Variants in PPP1R16A observed in about 807,000 individuals in gnomAD.
PPP1R16A encodes the protein myosin phosphatase-targeting subunit 3.
A neutral mutation model predicts 46.6 loss-of-function variants in PPP1R16A; 39 were observed. The ratio of observed to expected loss-of-function variants is 0.84; its 90% CI spans 0.65 to 1.09. PPP1R16A has a LOEUF of 1.09. PPP1R16A is among the 50% of genes least tolerant of loss of function. The probability of loss-of-function intolerance (pLI) is 0.00; values close to 1 mark genes in which losing one functional copy is unlikely to be tolerated. For missense variants in PPP1R16A, 798 were observed against 735.6 expected (o/e 1.08, Z -0.98); for synonymous variants, 413 against 321.5 (o/e 1.28, Z -3.04).
intron 3 of PPP1R16A, chr8:144,498,418 C>T: frequency 2.9e-6 from 1 of 344,462 alleles, no homozygotes; most frequent in Non-Finnish European, 5.6e-6. Context: ...CAGGGAAGAG[C>T]CGAAGGAGCT....
At position 144,499,926 on chromosome 8, in the gene PPP1R16A, T is replaced by G. The variant is rs1826325501; in HGVS notation, c.477-170T>G. 1.4e-5 allele frequency: 9 copies of G among 645,396 alleles called. No homozygotes were observed. The South Asian group carries it at 1.7e-4, about 12-fold the overall frequency. The allele number at this position is 645,396 out of a possible 1,614,324, so 40.0% of individuals were successfully genotyped here. A position where few individuals can be genotyped will look rare whatever the true frequency, so the allele number is the denominator to read the frequency against. On this transcript the variant is annotated intron_variant, in intron 5 of 11. Coordinates refer to ENST00000435887, the MANE Select transcript of PPP1R16A (RefSeq NM_001329443.2). ...AGGCCTGTCTGGCTTAATGACAGGA[T>G]CTAGGACAGCCGATGGGCCCCAAGG...
In PPP1R16A at chr8:144,493,892, G is replaced by C. The variant is rs978084650; in HGVS notation, c.-734-2569G>C. Among the ~76,000 whole-genome samples, 1 of 152,032 alleles carries C rather than the reference G, an allele frequency of 6.6e-6. No homozygotes were observed. Among genetic ancestry groups the C allele is most frequent in the East Asian group, 1.9e-4 (1 of 5,168 alleles). ...CCCTGTGAGCCGTGCTGGGTGGGGT[G>C]GGGGAGGTAGAGCCTCCCCGCCCGT... On this transcript the variant is annotated intron_variant, in intron 2 of 11. Coordinates refer to ENST00000435887, the MANE Select transcript of PPP1R16A (RefSeq NM_001329443.2). This position sits in a 1 kb window ranked among gnomAD's most constrained non-coding sequence, Gnocchi z 4.3.
intron 1 of PPP1R16A, among the ~76,000 whole-genome samples, chr8:144,486,542 GCCGT>G (rs1404202072): frequency 2.0e-5 from 3 of 152,174 alleles, no homozygotes; most frequent in Admixed American, 2.0e-4. Flanking sequence ...TCACATCCTT[GCCGT>G]TTGGATTCGT....
chr8:144,493,161 G>A lies in PPP1R16A; in HGVS notation c.-735+2949G>A, dbSNP rs893926682. 1.6e-4 allele frequency among the ~76,000 whole-genome samples: 25 copies of A among 152,252 alleles called. No homozygotes were observed. The highest frequency in any genetic ancestry group is 4.8e-4 in the African/African-American group (20 of 41,558). On this transcript the variant is annotated intron_variant, in intron 2 of 11. Coordinates refer to ENST00000435887, the MANE Select transcript of PPP1R16A (RefSeq NM_001329443.2). The surrounding 1 kb of genome is among the most constrained non-coding windows in gnomAD (Gnocchi z 4.3). ...AGCGGTATGTAGGCAGTGAGGGGAC[G>A]GTGGGTGGGGGTCGGGGACAGTGCC...
At chr8:144,499,189 C>A in intron 5 of PPP1R16A, 128 bp downstream of exon 5, 2 of 1,225,376 alleles carry the variant, frequency 1.6e-6, no homozygotes, top group Non-Finnish European at 2.2e-6. Context: ...GCTGACCCTG[C>A]CTGTGTCCTG....
At chr8:144,486,006 TTGAC>T (rs1175007159) in intron 1 of PPP1R16A, among the ~76,000 whole-genome samples, 2 of 152,202 alleles carry the variant, frequency 1.3e-5, no homozygotes, top group East Asian at 1.9e-4. Flanking sequence ...GTGTGTTCCT[TTGAC>T]TGGAGGAAAC....
chr8:144,481,049 C>T (rs533334901), intron 1 of PPP1R16A, among the ~76,000 whole-genome samples: 33 of 151,726 alleles, frequency 2.2e-4, no homozygotes, highest in East Asian at 4.0e-4. Flanking sequence ...CCACCACGCC[C>T]GGCTAATTTT....
rs1370838206 is a variant in PPP1R16A at position 144,483,474 on chromosome 8, A to G, written c.-914+5347A>G. On this transcript the variant is annotated intron_variant, in intron 1 of 11. Coordinates refer to ENST00000435887, the MANE Select transcript of PPP1R16A (RefSeq NM_001329443.2). ...GCCCAGGCTGGAGTGCAGTGGCACC[A>G]TCTTGGCTCACTGCAACCTCTGCCT... Among the ~76,000 whole-genome samples, 10 of 152,136 alleles carry G rather than the reference A, an allele frequency of 6.6e-5. No homozygotes were observed. The South Asian group carries it at 1.9e-3, about 28-fold the overall frequency.
chr8:144,497,428 C>T lies in PPP1R16A; in HGVS notation c.234C>T (p.Ala78=), dbSNP rs752797970. The T allele has an allele frequency of 7.4e-5, 120 of 1,612,868 alleles. No homozygotes were observed. Among genetic ancestry groups the T allele is most frequent in the Admixed American group, 1.7e-4 (10 of 60,008 alleles). ...CTCCCAGTGTTGTCCTTCTGGAGGC[C>T]GCTGCCCGAAATGACCTGGAAGAAG... ...LFPPSVVLLE[A]AARNDLEEVR... Residue 78 remains alanine (A), a synonymous_variant, in exon 3 of 12, where the codon GCC becomes GCT. Coordinates refer to ENST00000435887, the MANE Select transcript of PPP1R16A (RefSeq NM_001329443.2).
chr8:144,501,424 T>G, intron 11 of PPP1R16A, 96 bp from the exon 12 acceptor site: 2 of 1,477,910 alleles, frequency 1.4e-6, no homozygotes, highest in Non-Finnish European at 1.8e-6. Flanking sequence ...TTGCCCCATC[T>G]CTCCTGTCTG....
At chr8:144,480,585 C>T (rs1825371151) in intron 1 of PPP1R16A, among the ~76,000 whole-genome samples, 1 of 151,936 alleles carries the variant, frequency 6.6e-6, no homozygotes, top group Admixed American at 6.6e-5. Flanking sequence ...CTCTCGAATT[C>T]AAGTGATTCT....
chr8:144,497,098 C>G lies in PPP1R16A; in HGVS notation c.-97C>G, dbSNP rs1253811433. On this transcript the variant is annotated 5_prime_UTR_variant, in exon 3 of 12. Coordinates refer to ENST00000435887, the MANE Select transcript of PPP1R16A (RefSeq NM_001329443.2). Reference sequence around the variant, plus strand: ...TGGGAAGGGGATGCCCCCGAGGGTGCCAGTCCAGCTAGCTGCCCCACCCCT... The same window carrying G: ...TGGGAAGGGGATGCCCCCGAGGGTGGCAGTCCAGCTAGCTGCCCCACCCCT... 16 of 1,481,636 alleles carry G rather than the reference C, an allele frequency of 1.1e-5. No individual in the cohort carries two copies. The East Asian group carries it at 4.0e-4, about 37-fold the overall frequency. The allele number at this position is 1,481,636 out of a possible 1,614,324, so 91.8% of individuals were successfully genotyped here. A position where few individuals can be genotyped will look rare whatever the true frequency, so the allele number is the denominator to read the frequency against.
rs184094961 is a variant in PPP1R16A at position 144,493,362 on chromosome 8, C to T, written c.-734-3099C>T. On this transcript the variant is annotated intron_variant, in intron 2 of 11. Coordinates refer to ENST00000435887, the MANE Select transcript of PPP1R16A (RefSeq NM_001329443.2). The surrounding 1 kb of genome is among the most constrained non-coding windows in gnomAD (Gnocchi z 4.3). ...GGAAGGTTTGTGGAGTAGAGGGAGCCGCCCTGCCCAGCCCCCTCAGCCTGG... is the reference window on the plus strand; with the variant it reads ...GGAAGGTTTGTGGAGTAGAGGGAGCTGCCCTGCCCAGCCCCCTCAGCCTGG... Among the ~76,000 whole-genome samples, 169 of 152,262 alleles carry T rather than the reference C, an allele frequency of 1.1e-3. No individual in the cohort carries two copies. Among genetic ancestry groups the T allele is most frequent in the African/African-American group, 3.7e-3 (152 of 41,556 alleles).
Position 144,497,073 on chromosome 8 carries a change from T to A in PPP1R16A, c.-122T>A. On this transcript the variant is annotated 5_prime_UTR_variant, in exon 3 of 12. Coordinates refer to ENST00000435887, the MANE Select transcript of PPP1R16A (RefSeq NM_001329443.2). ...TGACCCAGCCAAGGGCACGAAGCTC[T>A]GGGAAGGGGATGCCCCCGAGGGTGC... 1 of 1,347,568 alleles carries A rather than the reference T, an allele frequency of 7.4e-7. No homozygotes were observed. 83.5% of individuals were successfully genotyped at this position (1,347,568 alleles called of 1,614,324 possible).
Position 144,500,471 on chromosome 8 carries a change from G to C in PPP1R16A, c.706-16G>C, listed in dbSNP as rs766945069. ...TGGGGGATGGGGCCGAATTCAGGCC[G>C]GGCGCTTGCCTGCAGCTGCACGTCG... is the stretch of plus-strand genomic sequence containing the variant. On this transcript the variant is annotated splice_polypyrimidine_tract_variant and intron_variant, in intron 7 of 11. Transcript: ENST00000435887. The C allele has an allele frequency of 2.6e-6, 4 of 1,565,494 alleles. No homozygotes were observed. The highest frequency in any genetic ancestry group is 3.6e-5 in the Admixed American group (2 of 54,908).
intron 1 of PPP1R16A, chr8:144,478,940 G>A (rs1157823470): frequency 3.3e-5 from 5 of 152,302 alleles, no homozygotes; most frequent in African/African-American, 1.2e-4. Flanking sequence ...ACAGAGCAAA[G>A]TTAGCCTTCC....
chr8:144,501,194 A>C lies in PPP1R16A; in HGVS notation c.1103A>C (p.Glu368Ala). The change falls in exon 11 of 12, where the codon GAG becomes GCG. Residue 368 changes from glutamate (E) to alanine (A), a missense_variant. Coordinates refer to ENST00000435887, the MANE Select transcript of PPP1R16A (RefSeq NM_001329443.2). Reference protein sequence around the residue: ...TDLYRKQHAQEAIVWQQPPPT... With the variant: ...TDLYRKQHAQAAIVWQQPPPT... ...CTGTACCGCAAGCAGCACGCCCAGG[A>C]GGCCATCGTGTGGCAACAGCCGCCG... 1 of 1,609,938 alleles carries C rather than the reference A, an allele frequency of 6.2e-7. No individual in the cohort carries two copies. The highest frequency in any genetic ancestry group is 8.5e-7 in the Non-Finnish European group (1 of 1,179,616).
At chr8:144,487,438 C>A (rs529179102) in intron 1 of PPP1R16A, among the ~76,000 whole-genome samples, 2 of 152,102 alleles carry the variant, frequency 1.3e-5, no homozygotes, top group Non-Finnish European at 2.9e-5. Context: ...GTGTTGATTT[C>A]GGCTCACTGC....
At chr8:144,487,847 G>A (rs1168347295) in intron 1 of PPP1R16A, among the ~76,000 whole-genome samples, 2 of 152,190 alleles carry the variant, frequency 1.3e-5, no homozygotes, top group African/African-American at 4.8e-5. Flanking sequence ...TTCCATATAA[G>A]TGGAGCATTA....
Sources: allele counts gnomAD v4.1 joint callset (sites outside exome capture counted in the v4.1 genomes callset), GRCh38; gene constraint gnomAD v4.1.1; non-coding constraint Gnocchi (gnomAD v3.1); transcripts MANE v1.5; gene names NCBI Gene and HGNC (gene_info 2026-07-23, HGNC 2026-07-21).